The following GNAI3 variants were observed in gnomAD, a reference collection of about 807,000 sequenced individuals.
GNAI3 encodes G protein subunit alpha i3.
A neutral mutation model predicts 41.8 loss-of-function variants in GNAI3; 12 were observed. The observed-to-expected ratio is 0.29, with a 90% CI of 0.18 to 0.47. The LOEUF (loss-of-function observed/expected upper bound fraction) is 0.47. Among genes scored for constraint, GNAI3 ranks in the 20% least tolerant of loss-of-function variants. GNAI3 has a pLI of 1.00. For synonymous variants in GNAI3, 132 were observed against 146.5 expected (o/e 0.90, Z 0.71); for missense variants, 360 against 429.6 (o/e 0.84, Z 1.43).
Position 109,594,102 on chromosome 1 carries a change from G to A in GNAI3, c.*1780G>A, listed in dbSNP as rs998792643. On this transcript the variant is annotated 3_prime_UTR_variant, in exon 9 of 9. Coordinates refer to ENST00000369851, the MANE Select transcript of GNAI3 (RefSeq NM_006496.4). ...TTATATAATGGAATTTTCTTTAGGT[G>A]TGGGAAAACTTGATCTGAAAGAAAA... 2.6e-5 allele frequency: 4 copies of A among 152,622 alleles called. No homozygotes were observed. The highest frequency in any genetic ancestry group is 4.4e-5 in the Non-Finnish European group (3 of 68,032). The allele number at this position is 152,622 out of a possible 1,614,324, so 9.5% of individuals were successfully genotyped here.
intron 4 of GNAI3, among the ~76,000 whole-genome samples, chr1:109,581,403 A>C (rs1401680846): frequency 6.6e-6 from 1 of 152,102 alleles, no homozygotes; most frequent in East Asian, 1.9e-4. Context: ...TGTCCTGTCA[A>C]ATGGTTAAAC....
Position 109,598,598 on chromosome 1 carries a change from C to A in GNAI3, c.*6276C>A. On this transcript the variant is annotated 3_prime_UTR_variant, in exon 9 of 9. Transcript: ENST00000369851. ...GTGGTCTTTTACAGCATTACTTTGC[C>A]CATATTCATTTTGAAGACCTGAAAT... is the stretch of plus-strand genomic sequence containing the variant. 4.4e-6 allele frequency: 1 copy of A among 225,380 alleles called. No homozygotes were observed. The highest frequency in any genetic ancestry group is 9.3e-6 in the Non-Finnish European group (1 of 107,160). The allele number at this position is 225,380 out of a possible 1,614,324, so 14.0% of individuals were successfully genotyped here.
intron 7 of GNAI3, among the ~76,000 whole-genome samples, chr1:109,591,128 CCTTT>C (rs1389650808): frequency 6.6e-6 from 1 of 152,032 alleles, no homozygotes; most frequent in Non-Finnish European, 1.5e-5. Flanking sequence ...GTTCCTGTCA[CCTTT>C]CTTTTTGTAA....
At chr1:109,565,106 CAAA>C (rs1218021620) in intron 1 of GNAI3, among the ~76,000 whole-genome samples, 2 of 151,574 alleles carry the variant, frequency 1.3e-5, no homozygotes, top group Non-Finnish European at 1.5e-5. Context: ...ACTAAAACTA[CAAA>C]AAAAATCGAC....
At chr1:109,558,548 T>G (rs944912918) in intron 1 of GNAI3, among the ~76,000 whole-genome samples, 3 of 152,198 alleles carry the variant, frequency 2.0e-5, no homozygotes, top group African/African-American at 7.2e-5. Flanking sequence ...CCTTTGATTT[T>G]AATTTAGGAA....
intron 7 of GNAI3, chr1:109,591,414 T>C: frequency 1.6e-6 from 1 of 610,782 alleles, no homozygotes; most frequent in Non-Finnish European, 2.9e-6. Context: ...AAAAAGGACA[T>C]CTAAAAGCAA....
intron 1 of GNAI3, among the ~76,000 whole-genome samples, chr1:109,553,978 T>G (rs566541424): frequency 6.6e-6 from 1 of 152,342 alleles, no homozygotes; most frequent in East Asian, 1.9e-4. Flanking sequence ...ATTCCTGAGT[T>G]ACTTCACTTA....
intron 1 of GNAI3, among the ~76,000 whole-genome samples, chr1:109,549,488 C>T (rs1647922171): frequency 6.6e-6 from 1 of 152,178 alleles, no homozygotes; most frequent in Non-Finnish European, 1.5e-5. Context: ...TCCACCGTTT[C>T]CTATCATTTT....
At chr1:109,580,048 C>T (rs1648849987) in intron 4 of GNAI3, among the ~76,000 whole-genome samples, 1 of 152,242 alleles carries the variant, frequency 6.6e-6, no homozygotes, top group African/African-American at 2.4e-5. Flanking sequence ...GTCGCCCAGA[C>T]TGGAGTGCAG....
chr1:109,580,057 A>G (rs1288238735), intron 4 of GNAI3, among the ~76,000 whole-genome samples: 1 of 152,202 alleles, frequency 6.6e-6, no homozygotes, highest in Non-Finnish European at 1.5e-5. Context: ...ACTGGAGTGC[A>G]GTGGCTCCAT....
intron 1 of GNAI3, among the ~76,000 whole-genome samples, chr1:109,570,448 T>C (rs1051308029): frequency 2.6e-5 from 4 of 152,170 alleles, no homozygotes; most frequent in African/African-American, 9.6e-5. Context: ...ATGGAGCTTA[T>C]ATTTTAGTGG....
intron 1 of GNAI3, among the ~76,000 whole-genome samples, chr1:109,563,534 C>T (rs1483706219): frequency 1.3e-5 from 2 of 152,160 alleles, no homozygotes; most frequent in Non-Finnish European, 2.9e-5. Flanking sequence ...TTGAGGAGAG[C>T]TGCTTAGCTG....
At chr1:109,556,013 A>T (rs925649815) in intron 1 of GNAI3, among the ~76,000 whole-genome samples, 1 of 138,474 alleles carries the variant, frequency 7.2e-6, no homozygotes, top group South Asian at 2.2e-4. Context: ...TGTGTGTTTC[A>T]TCAGGTCCTT....
At chr1:109,573,684 T>C in intron 1 of GNAI3, 53 bp from the exon 2 acceptor site, 1 of 1,400,822 alleles carries the variant, frequency 7.1e-7, no homozygotes, top group Admixed American at 1.7e-5. Flanking sequence ...GTTGATATTA[T>C]ACTTTTATGT....
In GNAI3 at chr1:109,582,563, C is replaced by G. The variant is rs199684276; in HGVS notation, c.588C>G (p.Phe196Leu). The G allele has an allele frequency of 6.2e-7, 1 of 1,604,000 alleles. No individual in the cohort carries two copies. Among genetic ancestry groups the G allele is most frequent in the Non-Finnish European group, 8.5e-7 (1 of 1,171,030 alleles). ...ETHFTFKDLYFKMFDVGGQRS... is the reference protein window; with the variant it reads ...ETHFTFKDLYLKMFDVGGQRS... ...ATTTCACCTTCAAAGACCTATACTT[C>G]AAGTAAGTCATTAGCCTTTTTGCTA... The change falls in exon 5 of 9, where the codon TTC becomes TTG. Residue 196 changes from phenylalanine (F) to leucine (L), a missense_variant and splice_region_variant. Coordinates refer to ENST00000369851, the MANE Select transcript of GNAI3 (RefSeq NM_006496.4).
intron 1 of GNAI3, among the ~76,000 whole-genome samples, chr1:109,557,281 T>A (rs1429662159): frequency 6.6e-6 from 1 of 152,156 alleles, no homozygotes; most frequent in Non-Finnish European, 1.5e-5. Context: ...GATATGATCC[T>A]CTATTTTTGA....
At chr1:109,555,907 C>T (rs1468421416) in intron 1 of GNAI3, among the ~76,000 whole-genome samples, 1 of 151,112 alleles carries the variant, frequency 6.6e-6, no homozygotes, top group Admixed American at 6.6e-5. Context: ...TGTCTCTCTT[C>T]CTTCCCTGGT....
At chr1:109,565,796 G>A (rs1351095210) in intron 1 of GNAI3, among the ~76,000 whole-genome samples, 1 of 152,120 alleles carries the variant, frequency 6.6e-6, no homozygotes, top group East Asian at 1.9e-4. Context: ...ATTTGACCAA[G>A]TACTAATGTA....
Position 109,580,505 on chromosome 1 carries a change from A to G in GNAI3, c.461+1144A>G, listed in dbSNP as rs12071953. ...AGTCAGGCTGTGCATAAGGACAGGG[A>G]TACTTTCTGAAAAATGCATCATTAG... On this transcript the variant is annotated intron_variant, in intron 4 of 8. Transcript: ENST00000369851. 3.1e-3 allele frequency among the ~76,000 whole-genome samples: 466 copies of G among 152,298 alleles called. 4 individuals are homozygous for G. In the South Asian group the frequency reaches 0.048, roughly 16 times the overall value.
Sources: allele counts gnomAD v4.1 joint callset (sites outside exome capture counted in the v4.1 genomes callset), GRCh38; gene constraint gnomAD v4.1.1; transcripts MANE v1.5; gene names NCBI Gene and HGNC (gene_info 2026-07-23, HGNC 2026-07-21).